The following STS variants were observed in gnomAD, a reference collection of about 807,000 sequenced individuals.
The protein encoded by STS is steryl-sulfatase.
Under a neutral mutation model 26.8 loss-of-function variants are expected in STS, and 7 were observed. That is an observed-to-expected ratio of 0.26 (90% CI 0.15 to 0.49). The LOEUF (loss-of-function observed/expected upper bound fraction) is 0.49, where lower values mean the gene tolerates loss of function less well. STS is among the 20% of genes least tolerant of loss of function. STS has a pLI of 0.98. For missense variants in STS, 434 were observed against 465.6 expected (o/e 0.93, Z 0.63); for synonymous variants, 199 against 189.4 (o/e 1.05, Z -0.42).
Position 7,221,971 on chromosome X carries a change from G to A in STS, c.-5+30963G>A, listed in dbSNP as rs182133455. Among the ~76,000 whole-genome samples, 11 of 111,449 alleles carry A rather than the reference G, an allele frequency of 9.9e-5. No individual in the cohort carries two copies. In the Admixed American group the frequency reaches 1.0e-3, roughly 11 times the overall value. On this transcript the variant is annotated intron_variant, in intron 2 of 10. Coordinates refer to ENST00000674429, the MANE Select transcript of STS (RefSeq NM_001320752.2). ...TTTGGCGGTGGGGCTTTTGGGAGGT[G>A]AAGAGGTTCTGAAGGTGGAAACTCA...
intron 2 of STS, among the ~76,000 whole-genome samples, chrX:7,234,853 T>C (rs1451773254): frequency 8.9e-6 from 1 of 112,065 alleles, no homozygotes; most frequent in Non-Finnish European, 1.9e-5. Flanking sequence ...TTTTTTTTCT[T>C]ACAAAATCCT....
At chrX:7,269,751 T>C (rs5934855) in intron 6 of STS, among the ~76,000 whole-genome samples, 39,468 of 110,213 alleles carry the variant, frequency 0.36, 5,261 homozygotes, top group East Asian at 0.4. Context: ...ACATGAACTT[T>C]GTGGGGGTTG....
At chrX:7,238,181 GATA>G (rs1922417827) in intron 2 of STS, among the ~76,000 whole-genome samples, 1 of 15,582 alleles carries the variant, frequency 6.4e-5, no homozygotes, top group African/African-American at 1.6e-4. Flanking sequence ...GCGTGGTGTA[GATA>G]GATAGATAGA....
chrX:7,291,445 A>T (rs188308404), intron 7 of STS, among the ~76,000 whole-genome samples: 1 of 112,371 alleles, frequency 8.9e-6, no homozygotes, highest in African/African-American at 3.2e-5. Context: ...ATAACATAGC[A>T]TATACTTTCG....
chrX:7,157,018 A>G lies in STS; in HGVS notation c.-134+8935A>G, dbSNP rs1246728305. On this transcript the variant is annotated intron_variant, in intron 1 of 10. Coordinates refer to ENST00000674429, the MANE Select transcript of STS (RefSeq NM_001320752.2). ...GCTGGCAAATGGCTTGGAGGAGAAT[A>G]TTTGAGCCCACTGAATGTATACAGA... Among the ~76,000 whole-genome samples, 5 of 111,878 alleles carry G rather than the reference A, an allele frequency of 4.5e-5. No homozygotes were observed. The East Asian group carries it at 1.4e-3, about 31-fold the overall frequency.
intron 2 of STS, among the ~76,000 whole-genome samples, chrX:7,238,124 GTGT>G (rs1922409692): frequency 3.3e-4 from 6 of 18,080 alleles, no homozygotes; most frequent in Non-Finnish European, 7.8e-4. Flanking sequence ...ATTCCATGGT[GTGT>G]GTGTGTGTGT....
intron 2 of STS, among the ~76,000 whole-genome samples, chrX:7,203,827 C>G (rs1383486905): frequency 9.0e-6 from 1 of 110,962 alleles, no homozygotes; most frequent in African/African-American, 3.3e-5. Context: ...CTCTGCTGCC[C>G]AGGGTGGAAT....
rs146117456 is a variant in STS at position 7,259,771 on chromosome X, C to T, written c.805C>T (p.Arg269Trp). 3.0e-5 allele frequency: 36 copies of T among 1,207,868 alleles called. No homozygotes were observed. The highest frequency in any genetic ancestry group is 2.1e-4 in the African/African-American group (12 of 57,160). ...LTVEAAQFIQ[R>W]NTETPFLLVL... Reference sequence around the variant, plus strand: ...GGTGGAGGCGGCCCAGTTCATACAGCGGTGGGTATTGCCTTGTCCTCTGAT... The same window carrying T: ...GGTGGAGGCGGCCCAGTTCATACAGTGGTGGGTATTGCCTTGTCCTCTGAT... Residue 269 changes from arginine (R) to tryptophan (W), a missense_variant and splice_region_variant, in exon 6 of 11, where the codon CGG becomes TGG. Arg to Trp is a moderately radical substitution (Grantham distance 101, BLOSUM62 -3). Transcript: ENST00000674429.
At chrX:7,304,405 A>T (rs914070171) in intron 7 of STS, among the ~76,000 whole-genome samples, 5 of 111,133 alleles carry the variant, frequency 4.5e-5, no homozygotes, top group Non-Finnish European at 1.9e-5. Context: ...ATACAATGTT[A>T]GTTCTGGGGA....
rs769969361 is a variant in STS at position 7,257,232 on chromosome X, T to G, written c.138-10T>G. 3 of 1,209,207 alleles carry G rather than the reference T, an allele frequency of 2.5e-6. No individual in the cohort carries two copies. Among genetic ancestry groups the G allele is most frequent in the Admixed American group, 4.4e-5 (2 of 45,926 alleles). Reference sequence around the variant, plus strand: ...AAATGATCACAAATGCTATGATTCTTTTGTTCTAGGACTCCCAATATCGAC... The same window carrying G: ...AAATGATCACAAATGCTATGATTCTGTTGTTCTAGGACTCCCAATATCGAC... On this transcript the variant is annotated splice_polypyrimidine_tract_variant and intron_variant, in intron 3 of 10. Coordinates refer to ENST00000674429, the MANE Select transcript of STS (RefSeq NM_001320752.2).
At chrX:7,316,517 C>T (rs1926720700) in intron 8 of STS, among the ~76,000 whole-genome samples, 1 of 112,281 alleles carries the variant, frequency 8.9e-6, no homozygotes, top group African/African-American at 3.2e-5. Context: ...TACTACCTGG[C>T]TCTTTAGAGA....
chrX:7,169,195 G>A (rs897323767), intron 1 of STS, among the ~76,000 whole-genome samples: 2 of 110,647 alleles, frequency 1.8e-5, no homozygotes, highest in Non-Finnish European at 1.9e-5. Context: ...CTATGAATTT[G>A]CCTATTTTAG....
At chrX:7,153,252 C>T (rs1046192444) in intron 1 of STS, among the ~76,000 whole-genome samples, 8 of 110,408 alleles carry the variant, frequency 7.2e-5, no homozygotes, top group African/African-American at 2.6e-4. Context: ...TTCTTTCCTC[C>T]TTCTCTCTTT....
At chrX:7,216,381 C>A (rs1488930235) in intron 2 of STS, among the ~76,000 whole-genome samples, 2 of 111,452 alleles carry the variant, frequency 1.8e-5, no homozygotes, top group Admixed American at 9.5e-5. Context: ...AAAGTCTCCC[C>A]GGTTGGTATC....
At chrX:7,240,533 G>GTGTATATATA (rs1373072915) in intron 2 of STS, among the ~76,000 whole-genome samples, 1 of 60,570 alleles carries the variant, frequency 1.7e-5, no homozygotes, top group African/African-American at 6.5e-5. Flanking sequence ...GTGTGTGTGT[G>GTGTATATATA]TATATATATA....
chrX:7,294,853 T>TAAG (rs1327607993), intron 7 of STS, among the ~76,000 whole-genome samples: 9 of 111,729 alleles, frequency 8.1e-5, no homozygotes, highest in African/African-American at 2.9e-4. Flanking sequence ...AGGTTGTGTA[T>TAAG]AAGACAAGTC....
rs752593190 is a variant in STS at position 7,150,670 on chromosome X, T to TA, written c.-134+2588dup. 3.6e-5 allele frequency among the ~76,000 whole-genome samples: 4 copies of TA among 111,593 alleles called. No individual in the cohort carries two copies. In the East Asian group the frequency reaches 1.1e-3, roughly 31 times the overall value. ...GAAAACATGCTTCACATTATGTTTT[T>TA]ATCAGTCTTATTTTCTACACTTTTC... On this transcript the variant is annotated intron_variant, in intron 1 of 10. Coordinates refer to ENST00000674429, the MANE Select transcript of STS (RefSeq NM_001320752.2).
chrX:7,313,872 G>T (rs1926591206), intron 8 of STS, among the ~76,000 whole-genome samples: 2 of 111,937 alleles, frequency 1.8e-5, no homozygotes, highest in South Asian at 7.4e-4. Flanking sequence ...TAATGTACTG[G>T]TAAGGGAACT....
At chrX:7,221,643 T>C (rs1036265121) in intron 2 of STS, among the ~76,000 whole-genome samples, 4 of 112,033 alleles carry the variant, frequency 3.6e-5, no homozygotes, top group Non-Finnish European at 7.5e-5. Flanking sequence ...GGAACCATCT[T>C]TAGGAATATG....
Sources: gnomAD v4.1 joint callset for allele counts (sites outside exome capture counted in the v4.1 genomes callset) on GRCh38, gnomAD v4.1.1 for gene constraint, MANE v1.5 for transcripts, NCBI Gene and HGNC (gene_info 2026-07-23, HGNC 2026-07-21) for gene names.